Variants in DAG1 observed in about 807,000 individuals in gnomAD.
DAG1 encodes dystroglycan 1 (dystrophin-associated glycoprotein 1).
In DAG1, 8 loss-of-function variants were observed where a neutral mutation model predicts 46.1. The ratio of observed to expected loss-of-function variants is 0.17; its 90% CI spans 0.10 to 0.31. The LOEUF (loss-of-function observed/expected upper bound fraction) is 0.31. DAG1 is among the 10% of genes least tolerant of loss of function. The probability of loss-of-function intolerance (pLI) is 1.00; values close to 1 mark genes in which losing one functional copy is unlikely to be tolerated. For missense variants in DAG1, 1,003 were observed against 1,189.9 expected (o/e 0.84, Z 2.31); for synonymous variants, 495 against 481.8 (o/e 1.03, Z -0.36).
At chr3:49,498,650 GTATTT>G (rs1553646137) in intron 1 of DAG1, among the ~76,000 whole-genome samples, 2 of 151,188 alleles carry the variant, frequency 1.3e-5, no homozygotes. Flanking sequence ...TAGGAACATG[GTATTT>G]TATTATTTTA....
At chr3:49,509,113 G>A (rs1156572527) in intron 1 of DAG1, among the ~76,000 whole-genome samples, 2 of 152,046 alleles carry the variant, frequency 1.3e-5, no homozygotes, top group African/African-American at 4.8e-5. Context: ...GGACTCATGG[G>A]TTTTTTTAAA....
chr3:49,504,467 ATTGT>A (rs1451383625), intron 1 of DAG1, among the ~76,000 whole-genome samples: 5 of 150,798 alleles, frequency 3.3e-5, no homozygotes, highest in Admixed American at 6.6e-5. Context: ...TTGCTTTTGC[ATTGT>A]TGTCAAAAAT....
chr3:49,469,260 C>A (rs781413710), upstream of DAG1, among the ~76,000 whole-genome samples: 1 of 152,076 alleles, frequency 6.6e-6, no homozygotes, highest in African/African-American at 2.4e-5. Context: ...GGCCACAGGC[C>A]AAGGAGGGAA....
At chr3:49,477,303 G>A (rs1225678899) in intron 1 of DAG1, among the ~76,000 whole-genome samples, 4 of 150,692 alleles carry the variant, frequency 2.7e-5, no homozygotes, top group East Asian at 2.0e-4. Context: ...CAGCTTATTC[G>A]TTTTTGAGAC....
At chr3:49,512,432 C>A (rs995952541) in intron 2 of DAG1, among the ~76,000 whole-genome samples, 4 of 151,634 alleles carry the variant, frequency 2.6e-5, no homozygotes, top group African/African-American at 9.7e-5. Flanking sequence ...CTCTCTGTCA[C>A]CCAAGCTGGA....
rs1019413076 is a variant in DAG1, at chr3:49,532,619, C to A, written c.2108C>A (p.Thr703Lys). The A allele has an allele frequency of 6.2e-7, 1 of 1,613,444 alleles. No homozygotes were observed. The change falls in exon 3 of 3, where the codon ACA (threonine) becomes AAA (lysine). Residue 703 changes from threonine to lysine, a missense_variant. Thr to Lys is a moderately conservative substitution (Grantham distance 78, BLOSUM62 -1). Coordinates refer to ENST00000308775, the MANE Select transcript of DAG1 (RefSeq NM_004393.6). The surrounding 1 kb of genome is among the most constrained non-coding windows in gnomAD (Gnocchi z 5.4). ...SNALEPDFKA[T>K]SITVTGSGSC... is the part of the protein sequence containing the mutation. ...GCCCTAGAGCCTGACTTTAAGGCCA[C>A]AAGCATCACTGTGACGGGCTCTGGC...
At chr3:49,519,545 G>A (rs1464482351) in intron 2 of DAG1, among the ~76,000 whole-genome samples, 1 of 152,200 alleles carries the variant, frequency 6.6e-6, no homozygotes. Flanking sequence ...AGCCCCGCCT[G>A]TGTGAGATGA....
intron 1 of DAG1, among the ~76,000 whole-genome samples, chr3:49,474,571 C>T (rs1002252095): frequency 6.6e-5 from 10 of 152,052 alleles, no homozygotes; most frequent in Non-Finnish European, 1.2e-4. Flanking sequence ...ATCTCGAACT[C>T]CTGACCTCAG....
chr3:49,490,672 C>T (rs927663925), intron 1 of DAG1, among the ~76,000 whole-genome samples: 1 of 151,474 alleles, frequency 6.6e-6, no homozygotes, highest in African/African-American at 2.4e-5. Context: ...CAAGCTTGAG[C>T]GATCTTCCTG....
intron 1 of DAG1, among the ~76,000 whole-genome samples, chr3:49,497,810 A>G (rs1392296060): frequency 6.6e-6 from 1 of 152,212 alleles, no homozygotes; most frequent in Non-Finnish European, 1.5e-5. Context: ...TACTCAGATT[A>G]AAAGCCATGG....
chr3:49,479,995 G>A (rs1216923630), intron 1 of DAG1, among the ~76,000 whole-genome samples: 1 of 143,636 alleles, frequency 7.0e-6, no homozygotes, highest in South Asian at 2.2e-4. Flanking sequence ...TGTCACCCAG[G>A]CTGGAGTGCA....
Position 49,532,095 on chromosome 3 carries a change from C to T in DAG1, c.1584C>T (p.Asp528=). 1 of 1,614,224 alleles carries T rather than the reference C, an allele frequency of 6.2e-7. No individual in the cohort carries two copies. The highest frequency in any genetic ancestry group is 1.6e-4 in the Middle Eastern group (1 of 6,062). The change falls in exon 3 of 3, where the codon GAC becomes GAT. Residue 528 remains aspartate (D), a synonymous_variant. Transcript: ENST00000308775. This position sits in a 1 kb window ranked among gnomAD's most constrained non-coding sequence, Gnocchi z 5.4. ...CAGACACTTTCTATGACCATGAGGACACCACCACTGACAAGCTGAAGCTGA... is the reference window on the plus strand; with the variant it reads ...CAGACACTTTCTATGACCATGAGGATACCACCACTGACAAGCTGAAGCTGA... ...IPSDTFYDHE[D]TTTDKLKLTL...
At position 49,532,597 on chromosome 3, in the gene DAG1, C is replaced by G; in HGVS notation, c.2086C>G (p.Leu696Val). ...ACCTCGGCCTGCCTTCTCCAACGCCCTAGAGCCTGACTTTAAGGCCACAAG... is the reference window on the plus strand; with the variant it reads ...ACCTCGGCCTGCCTTCTCCAACGCCGTAGAGCCTGACTTTAAGGCCACAAG... Reference protein sequence around the residue: ...GKPRPAFSNALEPDFKATSIT... With the variant: ...GKPRPAFSNAVEPDFKATSIT... Residue 696 changes from leucine to valine, a missense_variant, in exon 3 of 3, where the codon CTA (leucine) becomes GTA (valine). Physicochemically the swap from Leu to Val is conservative, Grantham distance 32. This residue lies in a region of DAG1 where 755 missense variants were observed against 854.1 expected (regional missense o/e 0.88). Transcript: ENST00000308775. This position sits in a 1 kb window ranked among gnomAD's most constrained non-coding sequence, Gnocchi z 5.4. The G allele has an allele frequency of 6.2e-7, 1 of 1,613,014 alleles. No homozygotes were observed. Among genetic ancestry groups the G allele is most frequent in the Non-Finnish European group, 8.5e-7 (1 of 1,179,120 alleles).
At chr3:49,503,090 C>T (rs2050502474) in intron 1 of DAG1, among the ~76,000 whole-genome samples, 1 of 152,080 alleles carries the variant, frequency 6.6e-6, no homozygotes, top group East Asian at 1.9e-4. Flanking sequence ...AGTGAACATG[C>T]GTATGCCATC....
chr3:49,521,742 A>G lies in DAG1; in HGVS notation c.286-9055A>G, dbSNP rs1575399755. On this transcript the variant is annotated intron_variant, in intron 2 of 2. Transcript: ENST00000308775. Reference sequence around the variant, plus strand: ...TATTGTGTGCAGAGGGCATCAGTAAAGCAGCTGGAGGGAGTGTCCCAGAGA... The same window carrying G: ...TATTGTGTGCAGAGGGCATCAGTAAGGCAGCTGGAGGGAGTGTCCCAGAGA... Among the ~76,000 whole-genome samples the G allele has an allele frequency of 1.3e-5, 2 of 152,196 alleles. 1 individual carries two copies. The highest frequency in any genetic ancestry group is 1.3e-4 in the Admixed American group (2 of 15,282).
chr3:49,494,271 G>T (rs975347127), intron 1 of DAG1, among the ~76,000 whole-genome samples: 1 of 152,118 alleles, frequency 6.6e-6, no homozygotes, highest in African/African-American at 2.4e-5. Flanking sequence ...TAAATATTCT[G>T]CAGTGAATAT....
Position 49,532,823 on chromosome 3 carries a change from C to T in DAG1, c.2312C>T (p.Ala771Val), listed in dbSNP as rs762910240. The T allele has an allele frequency of 6.2e-7, 1 of 1,614,072 alleles. No individual in the cohort carries two copies. The highest frequency in any genetic ancestry group is 8.5e-7 in the Non-Finnish European group (1 of 1,180,012). ...AAILLIAGII[A>V]MICYRKKRKG... is the part of the protein sequence containing the mutation. ...ATCCTGCTCATTGCTGGCATCATTG[C>T]CATGATCTGCTACCGCAAGAAGCGG... Residue 771 changes from alanine to valine, a missense_variant, in exon 3 of 3, where the codon GCC becomes GTC. Transcript: ENST00000308775. The surrounding 1 kb of genome is among the most constrained non-coding windows in gnomAD (Gnocchi z 5.4).
chr3:49,521,386 C>T (rs959731316), intron 2 of DAG1, among the ~76,000 whole-genome samples: 1 of 152,074 alleles, frequency 6.6e-6, no homozygotes, highest in Non-Finnish European at 1.5e-5. Flanking sequence ...AGGATGGTCT[C>T]GATCTCCTGA....
At chr3:49,517,594 A>AT (rs2050931168) in intron 2 of DAG1, among the ~76,000 whole-genome samples, 1 of 152,158 alleles carries the variant, frequency 6.6e-6, no homozygotes, top group African/African-American at 2.4e-5. Flanking sequence ...CTGACCTATC[A>AT]TTGGGCCCAA....
Sources: gnomAD v4.1 joint callset for allele counts (sites outside exome capture counted in the v4.1 genomes callset) on GRCh38, gnomAD v4.1.1 for gene constraint, gnomAD v4.1.1 regional missense constraint, Gnocchi (gnomAD v3.1) non-coding constraint, MANE v1.5 for transcripts, NCBI Gene and HGNC (gene_info 2026-07-23, HGNC 2026-07-21) for gene names.